Variants in MBTD1 observed in about 807,000 individuals in gnomAD.
MBTD1 encodes MBT domain-containing protein 1.
In MBTD1, 24 loss-of-function variants were observed where a neutral mutation model predicts 87.8. That is an observed-to-expected ratio of 0.27 (90% CI 0.20 to 0.38). The LOEUF is 0.38. Ranked by LOEUF, MBTD1 falls within the 10% of genes least tolerant of loss-of-function variation. The pLI is 1.00. For missense variants in MBTD1, 436 were observed against 760.2 expected (o/e 0.57, Z 5.02); for synonymous variants, 237 against 248.6 (o/e 0.95, Z 0.44).
chr17:51,209,794 T>C lies in MBTD1; in HGVS notation c.487-2789A>G, dbSNP rs149428007. Among the ~76,000 whole-genome samples, 770 of 152,260 alleles carry C rather than the reference T, an allele frequency of 5.1e-3. 8 individuals are homozygous for C. The highest frequency in any genetic ancestry group is 0.017 in the African/African-American group (716 of 41,550). ...GAAGGAATAATTTATCCCAATGAGA[T>C]GGCAAATGTACAAAAAGCCATCATC... On this transcript the variant is annotated intron_variant, in intron 6 of 16. Transcript: ENST00000586178.
intron 6 of MBTD1, among the ~76,000 whole-genome samples, chr17:51,213,266 A>G (rs1303133967): frequency 6.6e-6 from 1 of 150,548 alleles, no homozygotes; most frequent in Non-Finnish European, 1.5e-5. Context: ...TCCTGGGCTC[A>G]ACTGATCCTC....
chr17:51,228,490 G>GAAAAA (rs5820845), intron 2 of MBTD1, among the ~76,000 whole-genome samples: 1 of 121,302 alleles, frequency 8.2e-6, no homozygotes, highest in Non-Finnish European at 1.7e-5. Flanking sequence ...TTCAAACCAC[G>GAAAAA]AAAAAAAAAA....
At position 51,192,233 on chromosome 17, in the gene MBTD1, T is replaced by TA; in HGVS notation, c.1737dup (p.Lys580Ter). On this transcript the variant is annotated frameshift_variant, in exon 16 of 17. Transcript: ENST00000586178. LOFTEE classifies it high-confidence loss of function. ...TTATGTCCTTTGTATTGCTGGGACT[T>TA]AGCCTTTTTCTTCTGTTTTGATGAA... 5 of 1,551,434 alleles carry TA rather than the reference T, an allele frequency of 3.2e-6. No homozygotes were observed. Among genetic ancestry groups the TA allele is most frequent in the Non-Finnish European group, 4.4e-6 (5 of 1,146,858 alleles).
intron 7 of MBTD1, among the ~76,000 whole-genome samples, chr17:51,206,369 A>G (rs1470441378): frequency 1.3e-5 from 2 of 152,108 alleles, no homozygotes; most frequent in African/African-American, 4.8e-5. Flanking sequence ...CTGCCTCCCT[A>G]AAAGCTGGGA....
At chr17:51,202,317 A>G (rs1466194758) in intron 10 of MBTD1, among the ~76,000 whole-genome samples, 1 of 152,196 alleles carries the variant, frequency 6.6e-6, no homozygotes, top group Non-Finnish European at 1.5e-5. Flanking sequence ...GTAATTCCCT[A>G]GTTAGAAAAT....
chr17:51,204,866 T>C (rs1363520381), intron 7 of MBTD1, among the ~76,000 whole-genome samples: 4 of 152,222 alleles, frequency 2.6e-5, no homozygotes, highest in African/African-American at 9.6e-5. Context: ...CCTGGGTAAT[T>C]TGAATGTGGC....
At chr17:51,239,073 T>C (rs192186535) in intron 2 of MBTD1, among the ~76,000 whole-genome samples, 29 of 149,982 alleles carry the variant, frequency 1.9e-4, no homozygotes, top group African/African-American at 7.2e-4. Context: ...GCACTCCAGC[T>C]TGGGCGACCA....
At chr17:51,255,743 G>T (rs532884137) in intron 2 of MBTD1, among the ~76,000 whole-genome samples, 1 of 152,058 alleles carries the variant, frequency 6.6e-6, no homozygotes, top group Non-Finnish European at 1.5e-5. Context: ...GACTACAGGG[G>T]TGTGCCACCA....
At position 51,235,086 on chromosome 17, in the gene MBTD1, A is replaced by G. The variant is rs1196338835; in HGVS notation, c.-48-9877T>C. Among the ~76,000 whole-genome samples, 9 of 152,184 alleles carry G rather than the reference A, an allele frequency of 5.9e-5. No individual in the cohort carries two copies. In the East Asian group the frequency reaches 1.7e-3, roughly 29 times the overall value. ...AGTATCACTTTGATCCCCAAACCAGATAAAGCAATTAGAAGAAAACTACAG... is the reference window on the plus strand; with the variant it reads ...AGTATCACTTTGATCCCCAAACCAGGTAAAGCAATTAGAAGAAAACTACAG... On this transcript the variant is annotated intron_variant, in intron 2 of 16. Coordinates refer to ENST00000586178, the MANE Select transcript of MBTD1 (RefSeq NM_017643.3).
At chr17:51,222,529 T>C (rs2052967392) in intron 3 of MBTD1, among the ~76,000 whole-genome samples, 1 of 151,990 alleles carries the variant, frequency 6.6e-6, no homozygotes, top group Admixed American at 6.6e-5. Flanking sequence ...CTCAGCCTCC[T>C]GAGTAGCTGG....
chr17:51,224,018 A>C (rs547588076), intron 3 of MBTD1, among the ~76,000 whole-genome samples: 111 of 152,332 alleles, frequency 7.3e-4, no homozygotes, highest in African/African-American at 2.5e-3. Flanking sequence ...ATTTTCAAGA[A>C]AGCTAAAGCA....
chr17:51,247,849 T>A (rs766256384), intron 2 of MBTD1, among the ~76,000 whole-genome samples: 1 of 152,230 alleles, frequency 6.6e-6, no homozygotes, highest in Non-Finnish European at 1.5e-5. Flanking sequence ...TGTGAAACCA[T>A]CTAGGCCTGG....
At chr17:51,231,824 T>C (rs764205856) in intron 2 of MBTD1, among the ~76,000 whole-genome samples, 2 of 152,030 alleles carry the variant, frequency 1.3e-5, no homozygotes, top group Non-Finnish European at 2.9e-5. Context: ...TTTTTTGTAC[T>C]TTTTCCCCCT....
chr17:51,217,355 A>G lies in MBTD1; in HGVS notation c.465T>C (p.Ala155=). 6.5e-7 allele frequency: 1 copy of G among 1,538,150 alleles called. No homozygotes were observed. The highest frequency in any genetic ancestry group is 1.2e-5 in the South Asian group (1 of 81,242). Residue 155 remains alanine (A), a synonymous_variant, in exon 6 of 17, where the codon GCT becomes GCC. Transcript: ENST00000586178. ...NYINSNSFIA[A]PVTCFKHAPM... Reference sequence around the variant, plus strand: ...TTACATGTTTAAAACAGGTAACCGGAGCTGCTATAAAGCTATTGCTATTGA... The same window carrying G: ...TTACATGTTTAAAACAGGTAACCGGGGCTGCTATAAAGCTATTGCTATTGA...
At chr17:51,241,786 G>A (rs1030101540) in intron 2 of MBTD1, among the ~76,000 whole-genome samples, 4 of 151,980 alleles carry the variant, frequency 2.6e-5, no homozygotes, top group African/African-American at 9.7e-5. Flanking sequence ...GGCTGGTTTC[G>A]AACTCCTGAC....
At chr17:51,260,253 TC>T (rs890822340), upstream of MBTD1, 1 of 450,070 alleles carries the variant, frequency 2.2e-6, no homozygotes, top group African/African-American at 2.1e-5. Context: ...AAGCAGAAGT[TC>T]CATTCAGCCG....
At chr17:51,224,870 C>G (rs935012790) in intron 3 of MBTD1, 138 bp downstream of exon 3, 13 of 482,730 alleles carry the variant, frequency 2.7e-5, no homozygotes, top group Non-Finnish European at 4.4e-5. Flanking sequence ...ACTCAGTGAT[C>G]TTATCTCGAA....
rs140810216 is a variant in MBTD1 at position 51,197,885 on chromosome 17, A to G, written c.1225-2524T>C. Among the ~76,000 whole-genome samples the G allele has an allele frequency of 2.2e-3, 329 of 152,116 alleles. 2 individuals carry two copies. The highest frequency in any genetic ancestry group is 0.014 in the Middle Eastern group (4 of 294). On this transcript the variant is annotated intron_variant, in intron 12 of 16. Coordinates refer to ENST00000586178, the MANE Select transcript of MBTD1 (RefSeq NM_017643.3). The stretch of plus-strand genomic sequence containing the variant: ...ACCAATCAATCTTCTCATCTCTCTG[A>G]TCATTCTTTCTGCATTCCTTCTGGA...
At chr17:51,236,240 A>G (rs533349892) in intron 2 of MBTD1, among the ~76,000 whole-genome samples, 60 of 151,994 alleles carry the variant, frequency 3.9e-4, no homozygotes, top group Middle Eastern at 3.4e-3. Flanking sequence ...ATGTAATGAC[A>G]CTATGTTTTT....
Sources: gnomAD v4.1 joint callset for allele counts (sites outside exome capture counted in the v4.1 genomes callset) on GRCh38, gnomAD v4.1.1 for gene constraint, MANE v1.5 for transcripts, NCBI Gene and HGNC (gene_info 2026-07-23, HGNC 2026-07-21) for gene names.